The following LDLRAD4 variants were observed in gnomAD, a reference collection of about 807,000 sequenced individuals.
LDLRAD4 encodes low-density lipoprotein receptor class A domain-containing protein 4.
In LDLRAD4, 5 loss-of-function variants were observed where a neutral mutation model predicts 17.0. The ratio of observed to expected loss-of-function variants is 0.29; its 90% CI spans 0.15 to 0.62. The LOEUF (loss-of-function observed/expected upper bound fraction) is 0.62, where lower values mean the gene tolerates loss of function less well. Among genes scored for constraint, LDLRAD4 ranks in the 20% least tolerant of loss-of-function variants. The pLI is 0.84. For missense variants in LDLRAD4, 340 were observed against 424.7 expected, an observed-to-expected ratio of 0.80 and a Z score of 1.75; for synonymous variants, 168 against 171.8, an observed-to-expected ratio of 0.98 and a Z score of 0.17.
At chr18:13,376,794 C>G (rs958938805) in intron 1 of LDLRAD4, among the ~76,000 whole-genome samples, 3 of 152,194 alleles carry the variant, frequency 2.0e-5, no homozygotes, top group Admixed American at 2.0e-4. Context: ...GGTGCTTTCC[C>G]CATGAATAAC....
At chr18:13,234,682 A>C (rs2042249213) in intron 1 of LDLRAD4, among the ~76,000 whole-genome samples, 1 of 152,170 alleles carries the variant, frequency 6.6e-6, no homozygotes, top group African/African-American at 2.4e-5. Flanking sequence ...GAAAGGCTGA[A>C]GTATGAGCAG....
intron 3 of LDLRAD4, among the ~76,000 whole-genome samples, chr18:13,457,978 T>G (rs1439013813): frequency 6.6e-6 from 1 of 152,076 alleles, no homozygotes; most frequent in East Asian, 1.9e-4. Flanking sequence ...TCTTGGAAAA[T>G]GATGTATCCC....
chr18:13,283,900 C>A (rs892437612), intron 1 of LDLRAD4, among the ~76,000 whole-genome samples: 2 of 152,160 alleles, frequency 1.3e-5, no homozygotes, highest in Non-Finnish European at 2.9e-5. Flanking sequence ...GCAAAAGGCA[C>A]TTCTTACAGG....
chr18:13,250,401 A>G (rs1257769749), intron 1 of LDLRAD4, among the ~76,000 whole-genome samples: 1 of 152,162 alleles, frequency 6.6e-6, no homozygotes, highest in African/African-American at 2.4e-5. Flanking sequence ...ATAAGAGCAG[A>G]AATACACAAA....
Position 13,545,500 on chromosome 18 carries a change from A to G in LDLRAD4, c.182-75617A>G, listed in dbSNP as rs1468369853. Among the ~76,000 whole-genome samples the G allele has an allele frequency of 5.9e-5, 9 of 152,258 alleles. No homozygotes were observed. In the East Asian group the frequency reaches 1.7e-3, roughly 29 times the overall value. On this transcript the variant is annotated intron_variant, in intron 3 of 5. Coordinates refer to ENST00000359446, the Ensembl canonical transcript of LDLRAD4. ...CCCTCCATTGACCAGCGAGAGAATC[A>G]TCCTGTGTCATCTTGTCTTGTCCTG...
chr18:13,302,443 C>CT (rs1457258798), intron 1 of LDLRAD4, among the ~76,000 whole-genome samples: 1 of 152,196 alleles, frequency 6.6e-6, no homozygotes, highest in Non-Finnish European at 1.5e-5. Flanking sequence ...TCAAGAAGCA[C>CT]TGGCACTACC....
At chr18:13,251,961 A>G (rs536977141) in intron 1 of LDLRAD4, among the ~76,000 whole-genome samples, 1 of 152,332 alleles carries the variant, frequency 6.6e-6, no homozygotes, top group Non-Finnish European at 1.5e-5. Flanking sequence ...TGGAAACTCA[A>G]CCCTCATGAC....
intron 1 of LDLRAD4, among the ~76,000 whole-genome samples, chr18:13,318,192 C>T (rs1416636433): frequency 1.3e-5 from 2 of 152,178 alleles, no homozygotes; most frequent in Admixed American, 6.5e-5. Flanking sequence ...TTTCCCTGCG[C>T]ACCACTGCCT....
chr18:13,314,591 C>T (rs2080831138), intron 1 of LDLRAD4, among the ~76,000 whole-genome samples: 1 of 152,176 alleles, frequency 6.6e-6, no homozygotes, highest in Admixed American at 6.5e-5. Context: ...ACGCAGTGTT[C>T]TGTGATGCTT....
intron 1 of LDLRAD4, among the ~76,000 whole-genome samples, chr18:13,340,949 G>A (rs1399115408): frequency 6.6e-6 from 1 of 152,112 alleles, no homozygotes; most frequent in Non-Finnish European, 1.5e-5. Flanking sequence ...TTTGCATGTG[G>A]ATATTCAGTT....
At chr18:13,620,857 G>T in intron 3 of LDLRAD4, 1 of 533,732 alleles carries the variant, frequency 1.9e-6, no homozygotes, top group Admixed American at 3.1e-5. Context: ...GCTTCAGTTT[G>T]TGGAGACGTT....
intron 1 of LDLRAD4, among the ~76,000 whole-genome samples, chr18:13,249,499 T>C (rs117003690): frequency 0.028 from 4,269 of 152,342 alleles, 92 homozygotes; most frequent in Non-Finnish European, 0.042. Flanking sequence ...TAATTAGTGA[T>C]GTTGCACATT....
intron 3 of LDLRAD4, among the ~76,000 whole-genome samples, chr18:13,482,915 A>G (rs1033157238): frequency 6.6e-6 from 1 of 152,172 alleles, no homozygotes; most frequent in Non-Finnish European, 1.5e-5. Context: ...TTCTGTGATT[A>G]ATATAAATCC....
chr18:13,486,989 G>T (rs1427926649), intron 3 of LDLRAD4: 13 of 152,194 alleles, frequency 8.5e-5, no homozygotes, highest in Admixed American at 8.5e-4. Context: ...TCTGCTGGGT[G>T]GGTGGTAGTA....
intron 2 of LDLRAD4, among the ~76,000 whole-genome samples, chr18:13,402,111 A>G (rs1313877518): frequency 1.3e-5 from 2 of 152,236 alleles, no homozygotes; most frequent in Admixed American, 6.5e-5. Flanking sequence ...TTTCAGCATT[A>G]AATACCGTCT....
intron 1 of LDLRAD4, among the ~76,000 whole-genome samples, chr18:13,379,590 C>A (rs546990817): frequency 3.7e-4 from 56 of 152,318 alleles, no homozygotes; most frequent in African/African-American, 1.3e-3. Context: ...AAAATAGTGC[C>A]TGCCAGAGTA....
chr18:13,599,124 C>T (rs111233920), intron 3 of LDLRAD4, among the ~76,000 whole-genome samples: 14 of 152,270 alleles, frequency 9.2e-5, no homozygotes, highest in Admixed American at 2.0e-4. Context: ...GCAACAGGGA[C>T]GTGCTGTGCT....
intron 1 of LDLRAD4, among the ~76,000 whole-genome samples, chr18:13,349,751 T>A (rs1220441670): frequency 6.6e-6 from 1 of 152,150 alleles, no homozygotes; most frequent in Non-Finnish European, 1.5e-5. Context: ...CCCGCATGCA[T>A]TAGCTATTTG....
At chr18:13,220,271 G>T (rs2145301477) in intron 1 of LDLRAD4, among the ~76,000 whole-genome samples, 1 of 152,330 alleles carries the variant, frequency 6.6e-6, no homozygotes, top group East Asian at 1.9e-4. Context: ...TAATGGAATT[G>T]TAGCTACCTT....
Sources: allele counts gnomAD v4.1 joint callset (sites outside exome capture counted in the v4.1 genomes callset), GRCh38; gene constraint gnomAD v4.1.1; transcripts MANE v1.5; gene names NCBI Gene and HGNC (gene_info 2026-07-23, HGNC 2026-07-21).